Variants in PLXDC2 observed in about 807,000 individuals in gnomAD.
PLXDC2 encodes the protein plexin domain containing 2.
Under a neutral mutation model 68.9 loss-of-function variants are expected in PLXDC2, and 40 were observed. That is an observed-to-expected ratio of 0.58 (90% confidence interval 0.45 to 0.76). The LOEUF is 0.76. PLXDC2 is among the 30% of genes least tolerant of loss of function. The pLI is 0.00. For synonymous variants in PLXDC2, 243 were observed against 234.2 expected (o/e 1.04, Z -0.34); for missense variants, 644 against 661.9 (o/e 0.97, Z 0.30).
chr10:19,816,971 C>A lies in PLXDC2; in HGVS notation c.-109C>A. 2.7e-6 allele frequency: 2 copies of A among 746,604 alleles called. No individual in the cohort carries two copies. Among genetic ancestry groups the A allele is most frequent in the South Asian group, 3.4e-5 (2 of 58,712 alleles). 46.2% of individuals were successfully genotyped at this position (746,604 alleles called of 1,614,324 possible). A position where few individuals can be genotyped will look rare whatever the true frequency, so the allele number is the denominator to read the frequency against. ...GCGACATTTACAAAGGCCTCCGGGT[C>A]CTACCGAGACCGATCCGCAGCGTTT... On this transcript the variant is annotated 5_prime_UTR_variant, in exon 1 of 14. Coordinates refer to ENST00000377252, the MANE Select transcript of PLXDC2 (RefSeq NM_032812.9).
At chr10:19,999,846 A>C (rs1834904278) in intron 1 of PLXDC2, among the ~76,000 whole-genome samples, 1 of 152,228 alleles carries the variant, frequency 6.6e-6, no homozygotes, top group African/African-American at 2.4e-5. Context: ...AGCCTGACAC[A>C]TTCTCAGGAA....
Position 20,162,556 on chromosome 10 carries a change from A to G in PLXDC2, c.784-1912A>G, listed in dbSNP as rs143226100. Among the ~76,000 whole-genome samples the G allele has an allele frequency of 3.6e-3, 555 of 152,176 alleles. 1 individual carries two copies. Among genetic ancestry groups the G allele is most frequent in the African/African-American group, 0.013 (526 of 41,518 alleles). On this transcript the variant is annotated intron_variant, in intron 6 of 13. Transcript: ENST00000377252. ...GATTCTGCTTAAAAATGAGATGATC[A>G]TGTCTTATTAGGATACAAAAATATA...
At chr10:20,064,559 G>C (rs1256348008) in intron 3 of PLXDC2, among the ~76,000 whole-genome samples, 1 of 152,086 alleles carries the variant, frequency 6.6e-6, no homozygotes, top group African/African-American at 2.4e-5. Context: ...TTGCAGAAGA[G>C]TCCTTTGTTT....
rs868686524 is a variant in PLXDC2 at position 20,216,674 on chromosome 10, C to T, written c.1123-752C>T. Among the ~76,000 whole-genome samples the T allele has an allele frequency of 7.2e-5, 11 of 152,196 alleles. No homozygotes were observed. The Middle Eastern group carries it at 0.01, about 141-fold the overall frequency. ...CCCACCTGAGAGAGGGAGTCCACTG[C>T]GGCACAAAAGGTGGATAGAAACACC... On this transcript the variant is annotated intron_variant, in intron 10 of 13. Transcript: ENST00000377252.
rs116780703 is a variant in PLXDC2, at chr10:19,915,638, T to A, written c.113-86137T>A. On this transcript the variant is annotated intron_variant, in intron 1 of 13. Coordinates refer to ENST00000377252, the MANE Select transcript of PLXDC2 (RefSeq NM_032812.9). ...TCTGAAGAACTTCCTTTAACAGTTC[T>A]TTTAATCAGGTCACTAAGTCGTTTC... Among the ~76,000 whole-genome samples the A allele has an allele frequency of 7.6e-3, 1,162 of 152,260 alleles. 24 individuals carry two copies. Among genetic ancestry groups the A allele is most frequent in the African/African-American group, 0.026 (1,099 of 41,550 alleles).
At chr10:19,861,176 G>C (rs1415697361) in intron 1 of PLXDC2, among the ~76,000 whole-genome samples, 2 of 151,526 alleles carry the variant, frequency 1.3e-5, no homozygotes, top group East Asian at 3.9e-4. Flanking sequence ...CTGAGGTTAT[G>C]GACACCCACC....
chr10:19,987,586 G>C (rs1318835758), intron 1 of PLXDC2, among the ~76,000 whole-genome samples: 2 of 150,636 alleles, frequency 1.3e-5, no homozygotes, highest in Non-Finnish European at 2.9e-5. Context: ...TTTTGCGGCG[G>C]AATCTCGTTC....
intron 1 of PLXDC2, among the ~76,000 whole-genome samples, chr10:19,941,196 C>T (rs1160084829): frequency 6.6e-6 from 1 of 152,130 alleles, no homozygotes; most frequent in Non-Finnish European, 1.5e-5. Context: ...TTTCAAGTAA[C>T]TGGATGTGCA....
At chr10:20,054,153 C>T (rs1018589736) in intron 3 of PLXDC2, among the ~76,000 whole-genome samples, 1 of 151,852 alleles carries the variant, frequency 6.6e-6, no homozygotes, top group Non-Finnish European at 1.5e-5. Context: ...TGGAGGGCGT[C>T]AGATGTGAGA....
intron 10 of PLXDC2, among the ~76,000 whole-genome samples, chr10:20,214,135 A>G (rs117696577): frequency 0.026 from 3,884 of 152,210 alleles, 63 homozygotes; most frequent in Non-Finnish European, 0.032. Context: ...TTTCATGTGA[A>G]CCGTTCATTT....
At chr10:20,047,541 T>C (rs2358914) in intron 3 of PLXDC2, among the ~76,000 whole-genome samples, 2 of 152,080 alleles carry the variant, frequency 1.3e-5, no homozygotes, top group East Asian at 3.9e-4. Context: ...CAGACTGATA[T>C]TTTAAACCTG....
At chr10:19,839,865 G>T (rs571315319) in intron 1 of PLXDC2, among the ~76,000 whole-genome samples, 1 of 152,072 alleles carries the variant, frequency 6.6e-6, no homozygotes, top group African/African-American at 2.4e-5. Flanking sequence ...TGATAACAAA[G>T]GTTGAAGGAA....
chr10:20,126,790 G>T (rs1045941683), intron 4 of PLXDC2, among the ~76,000 whole-genome samples: 6 of 142,462 alleles, frequency 4.2e-5, no homozygotes, highest in African/African-American at 1.6e-4. Flanking sequence ...TATGTATATA[G>T]AACACACGTT....
rs1352660494 is a variant in PLXDC2 at position 20,282,650 on chromosome 10, A to C, written c.*2831A>C. On this transcript the variant is annotated 3_prime_UTR_variant, in exon 14 of 14. Transcript: ENST00000377252. ...CGCTAAGCTTATGGGAGTTATTTAG[A>C]GCCTACTGCTCAAGGTCATCACCAA... is the stretch of plus-strand genomic sequence containing the variant. 1 of 152,190 alleles carries C rather than the reference A, an allele frequency of 6.6e-6. No homozygotes were observed. The highest frequency in any genetic ancestry group is 2.4e-5 in the African/African-American group (1 of 41,454). The allele number at this position is 152,190 out of a possible 1,614,324, so 9.4% of individuals were successfully genotyped here. A position where few individuals can be genotyped will look rare whatever the true frequency, so the allele number is the denominator to read the frequency against.
intron 4 of PLXDC2, among the ~76,000 whole-genome samples, chr10:20,110,250 A>G (rs2461943): frequency 0.93 from 141,420 of 152,072 alleles, 65,849 homozygotes; most frequent in Non-Finnish European, 0.95. Flanking sequence ...GGAATTGGAG[A>G]AAAAGAATGA....
intron 4 of PLXDC2, among the ~76,000 whole-genome samples, chr10:20,096,831 A>C (rs1833355306): frequency 6.6e-6 from 1 of 152,172 alleles, no homozygotes; most frequent in Non-Finnish European, 1.5e-5. Flanking sequence ...TAGGCAAGAA[A>C]GTGTTAATTG....
At chr10:20,077,259 A>G (rs1473999293) in intron 4 of PLXDC2, among the ~76,000 whole-genome samples, 3 of 152,164 alleles carry the variant, frequency 2.0e-5, no homozygotes, top group South Asian at 2.1e-4. Flanking sequence ...TTTCTATGTG[A>G]CATTTTGCCT....
chr10:19,820,567 G>A lies in PLXDC2; in HGVS notation c.112+3376G>A, dbSNP rs373507929. The stretch of plus-strand genomic sequence containing the variant: ...GAGAATGGCGGGAACCCGGGAAGCG[G>A]AGCTTGCAGTGAGCCGAGATTGCGC... On this transcript the variant is annotated intron_variant, in intron 1 of 13. Coordinates refer to ENST00000377252, the MANE Select transcript of PLXDC2 (RefSeq NM_032812.9). Among the ~76,000 whole-genome samples, 430 of 151,364 alleles carry A rather than the reference G, an allele frequency of 2.8e-3. 10 individuals are homozygous for A. The East Asian group carries it at 0.055, about 19-fold the overall frequency.
intron 1 of PLXDC2, among the ~76,000 whole-genome samples, chr10:19,899,030 C>T (rs1838114184): frequency 6.6e-6 from 1 of 152,002 alleles, no homozygotes; most frequent in African/African-American, 2.4e-5. Context: ...TAAAAACAAC[C>T]CAGAAACTCA....
Sources: gnomAD v4.1 joint callset for allele counts (sites outside exome capture counted in the v4.1 genomes callset) on GRCh38, gnomAD v4.1.1 for gene constraint, MANE v1.5 for transcripts, NCBI Gene and HGNC (gene_info 2026-07-23, HGNC 2026-07-21) for gene names.